Variants in XIRP2 observed in about 807,000 individuals in gnomAD.
XIRP2 encodes xin actin-binding repeat-containing protein 2.
XIRP2 carries 236 observed loss-of-function variants against 277.0 expected under a neutral mutation model. That is an observed-to-expected ratio of 0.85 (90% CI 0.77 to 0.95). The LOEUF is 0.95. XIRP2 is among the 40% of genes least tolerant of loss of function. The pLI is 0.00. For synonymous variants in XIRP2, 1,490 were observed against 1,416.5 expected (o/e 1.05, Z -1.17); for missense variants, 4,640 against 4,157.5 (o/e 1.12, Z -3.19).
intron 5 of XIRP2, among the ~76,000 whole-genome samples, chr2:167,239,512 A>C (rs543181433): frequency 6.6e-6 from 1 of 152,322 alleles, no homozygotes; most frequent in African/African-American, 2.4e-5. Flanking sequence ...AGTCTGATAG[A>C]GGCAAGGGCT....
rs147782543 is a variant in XIRP2 at position 167,034,239 on chromosome 2, T to C, written c.409-101670T>C. ...TGTCATCAGTTTTTTAAAAATGGGT[T>C]ATAAGATGTTATTTGCAAGCTGCAT... On this transcript the variant is annotated intron_variant, in intron 2 of 10. Transcript: ENST00000409195. Among the ~76,000 whole-genome samples, 36 of 152,250 alleles carry C rather than the reference T, an allele frequency of 2.4e-4. 1 individual carries two copies. In the East Asian group the frequency reaches 6.2e-3, roughly 26 times the overall value.
chr2:167,086,721 C>G (rs1406769165), intron 2 of XIRP2, among the ~76,000 whole-genome samples: 1 of 151,644 alleles, frequency 6.6e-6, no homozygotes, highest in African/African-American at 2.4e-5. Flanking sequence ...ACCCTTTCTC[C>G]CAGTTGATCG....
chr2:166,932,161 C>A (rs1193415628), intron 2 of XIRP2, among the ~76,000 whole-genome samples: 1 of 150,910 alleles, frequency 6.6e-6, no homozygotes, highest in Non-Finnish European at 1.5e-5. Context: ...AGTCATTTCC[C>A]AGATTATCAT....
chr2:166,894,384 C>A (rs954755052), intron 1 of XIRP2, among the ~76,000 whole-genome samples: 1 of 152,090 alleles, frequency 6.6e-6, no homozygotes, highest in Admixed American at 6.6e-5. Flanking sequence ...AATGTCAGCT[C>A]CATGTATTTA....
At chr2:167,135,254 A>G (rs933002185) in intron 2 of XIRP2, among the ~76,000 whole-genome samples, 1 of 152,112 alleles carries the variant, frequency 6.6e-6, no homozygotes, top group African/African-American at 2.4e-5. Flanking sequence ...CCTATACAAT[A>G]AGGAATCTGT....
In XIRP2 at chr2:167,246,315, A is replaced by G; in HGVS notation, c.4923A>G (p.Leu1641=). 1 of 1,613,202 alleles carries G rather than the reference A, an allele frequency of 6.2e-7. No individual in the cohort carries two copies. Among genetic ancestry groups the G allele is most frequent in the South Asian group, 1.1e-5 (1 of 90,926 alleles). Residue 1641 remains leucine (L), a synonymous_variant, in exon 9 of 11, where the codon TTA becomes TTG. Transcript: ENST00000409195. The part of the protein sequence containing the change: ...GNVNLTKTQL[L]NRSTEFHAEK... ...TTAATTTGACTAAAACTCAATTATT[A>G]AACAGATCAACTGAATTTCATGCTG...
At chr2:166,921,211 A>G (rs1249304601) in intron 2 of XIRP2, among the ~76,000 whole-genome samples, 1 of 152,050 alleles carries the variant, frequency 6.6e-6, no homozygotes, top group African/African-American at 2.4e-5. Flanking sequence ...GACTGCTTCA[A>G]CTCACTTGAG....
chr2:167,138,831 C>G (rs1691630943), intron 3 of XIRP2, among the ~76,000 whole-genome samples: 1 of 152,066 alleles, frequency 6.6e-6, no homozygotes, highest in Admixed American at 6.6e-5. Flanking sequence ...TTTGGGAGGC[C>G]AAGGCGGGCG....
chr2:167,140,263 T>C (rs1482509805), intron 3 of XIRP2, among the ~76,000 whole-genome samples: 1 of 152,242 alleles, frequency 6.6e-6, no homozygotes, highest in Non-Finnish European at 1.5e-5. Flanking sequence ...GCATTCTTTT[T>C]TCCATAACAT....
chr2:166,903,409 G>A, intron 1 of XIRP2, 56 bp from the exon 2 acceptor site: 1 of 1,514,388 alleles, frequency 6.6e-7, no homozygotes, highest in Non-Finnish European at 8.9e-7. Flanking sequence ...TTTTGAGTCT[G>A]AAAATGACTC....
rs546010439 is a variant in XIRP2 at position 167,164,155 on chromosome 2, A to T, written c.562+28093A>T. On this transcript the variant is annotated intron_variant, in intron 3 of 10. Coordinates refer to ENST00000409195, the MANE Select transcript of XIRP2 (RefSeq NM_152381.6). ...CATATTCCTTTAGAATTAACTTGTG[A>T]ATTGGCCGGGCGCAGCGGCTCACGC... 4.6e-5 allele frequency among the ~76,000 whole-genome samples: 7 copies of T among 152,224 alleles called. No individual in the cohort carries two copies. The East Asian group carries it at 1.4e-3, about 29-fold the overall frequency.
intron 3 of XIRP2, among the ~76,000 whole-genome samples, chr2:167,195,093 T>A (rs142043622): frequency 1.3e-5 from 2 of 152,318 alleles, no homozygotes; most frequent in African/African-American, 4.8e-5. Flanking sequence ...GTTGTTGTGT[T>A]GTTAAAAACA....
intron 2 of XIRP2, among the ~76,000 whole-genome samples, chr2:167,024,308 C>A (rs1223672559): frequency 6.6e-6 from 1 of 152,058 alleles, no homozygotes; most frequent in African/African-American, 2.4e-5. Context: ...GATTTTATAT[C>A]CTGAGACTTT....
Position 167,043,788 on chromosome 2 carries a change from T to G in XIRP2, c.409-92121T>G, listed in dbSNP as rs538822555. Among the ~76,000 whole-genome samples the G allele has an allele frequency of 1.5e-4, 23 of 152,180 alleles. 1 individual carries two copies. The South Asian group carries it at 4.6e-3, about 30-fold the overall frequency. ...AAAGAAGAACTGGTACCAAGTTTAC[T>G]GAAATTATTTCAAATAATCAAGGAA... On this transcript the variant is annotated intron_variant, in intron 2 of 10. Coordinates refer to ENST00000409195, the MANE Select transcript of XIRP2 (RefSeq NM_152381.6).
intron 3 of XIRP2, among the ~76,000 whole-genome samples, chr2:167,186,418 G>T (rs1301675067): frequency 6.6e-6 from 1 of 152,120 alleles, no homozygotes; most frequent in Non-Finnish European, 1.5e-5. Flanking sequence ...AGAGTATATA[G>T]GTCAGGTGTT....
chr2:167,095,129 G>A (rs1327402623), intron 2 of XIRP2, among the ~76,000 whole-genome samples: 3 of 152,150 alleles, frequency 2.0e-5, no homozygotes. Flanking sequence ...TATTATTGAT[G>A]TATAGGAATG....
chr2:166,949,584 A>G (rs577730222), intron 2 of XIRP2, among the ~76,000 whole-genome samples: 2 of 152,200 alleles, frequency 1.3e-5, no homozygotes, highest in South Asian at 2.1e-4. Context: ...CTCCATGTGA[A>G]TAGCACCTTG....
chr2:167,099,600 C>T lies in XIRP2; in HGVS notation c.409-36309C>T, dbSNP rs150938020. On this transcript the variant is annotated intron_variant, in intron 2 of 10. Transcript: ENST00000409195. ...AGCTCGGTGTCTGCCCAAACAGCTG[C>T]CCAATTTTGTGCTTGAAACCCAGGG... Among the ~76,000 whole-genome samples, 829 of 152,050 alleles carry T rather than the reference C, an allele frequency of 5.5e-3. 6 individuals are homozygous for T. Among genetic ancestry groups the T allele is most frequent in the Non-Finnish European group, 7.6e-3 (519 of 67,966 alleles).
At chr2:166,931,357 T>C (rs894508824) in intron 2 of XIRP2, among the ~76,000 whole-genome samples, 1 of 152,158 alleles carries the variant, frequency 6.6e-6, no homozygotes, top group Admixed American at 6.6e-5. Flanking sequence ...ATATGTCAAT[T>C]GACTCATGTG....
Sources: allele counts gnomAD v4.1 joint callset (sites outside exome capture counted in the v4.1 genomes callset), GRCh38; gene constraint gnomAD v4.1.1; transcripts MANE v1.5; gene names NCBI Gene and HGNC (gene_info 2026-07-23, HGNC 2026-07-21).